Variants in HECTD3 observed in about 807,000 individuals in gnomAD.
HECTD3 encodes the protein HECT domain E3 ubiquitin protein ligase 3.
In HECTD3, 72 loss-of-function variants were observed where a neutral mutation model predicts 109.3. The observed-to-expected ratio is 0.66, with a 90% CI of 0.54 to 0.80. The LOEUF (loss-of-function observed/expected upper bound fraction) is 0.80. Among genes scored for constraint, HECTD3 ranks in the 30% least tolerant of loss-of-function variants. The probability of loss-of-function intolerance (pLI) is 0.00; values close to 1 mark genes in which losing one functional copy is unlikely to be tolerated. For synonymous variants in HECTD3, 481 were observed against 471.8 expected (o/e 1.02, Z -0.25); for missense variants, 1,041 against 1,165.2 (o/e 0.89, Z 1.55).
chr1:45,003,625 A>T lies in HECTD3; in HGVS notation c.2501+44T>A. On this transcript the variant is annotated intron_variant, in intron 20 of 20. Transcript: ENST00000372172. This position sits in a 1 kb window ranked among gnomAD's most constrained non-coding sequence, Gnocchi z 4.7. ...GGTCCCTACATCGCTACCAGGGGTG[A>T]TGGGGTCCCCTGGGCCCCAAATCGA... The T allele has an allele frequency of 6.2e-7, 1 of 1,610,708 alleles. No homozygotes were observed. Among genetic ancestry groups the T allele is most frequent in the African/African-American group, 1.3e-5 (1 of 74,986 alleles).
intron 10 of HECTD3, 55 bp from the exon 11 acceptor site, chr1:45,007,326 C>A: frequency 6.2e-7 from 1 of 1,602,428 alleles, no homozygotes; most frequent in Non-Finnish European, 8.5e-7. Context: ...CCTATACTTG[C>A]CCCAAGAACT....
chr1:45,010,361 G>C, intron 2 of HECTD3, 68 bp from the exon 3 acceptor site: 2 of 1,498,928 alleles, frequency 1.3e-6, no homozygotes, highest in Non-Finnish European at 1.9e-6. Flanking sequence ...CCTCCATGCC[G>C]TGTAGCCTTC....
chr1:45,005,650 TAC>T (rs1644728882), intron 15 of HECTD3, 142 bp downstream of exon 15: 2 of 636,194 alleles, frequency 3.1e-6, no homozygotes, highest in South Asian at 5.0e-5. Context: ...GTCACGAGTC[TAC>T]AGACAGTAGT....
chr1:45,005,915 A>C (rs769888577), intron 14 of HECTD3, 32 bp from the exon 15 acceptor site: 1 of 1,605,004 alleles, frequency 6.2e-7, no homozygotes, highest in South Asian at 1.1e-5. Context: ...CTGTCTTCTC[A>C]CCCTGAGCTG....
chr1:45,005,635 T>G, intron 15 of HECTD3, 159 bp downstream of exon 15: 1 of 566,176 alleles, frequency 1.8e-6, no homozygotes, highest in Non-Finnish European at 3.1e-6. Flanking sequence ...GTCAGGATTT[T>G]AGGGGTCACG....
chr1:45,010,783 G>A, intron 1 of HECTD3, 77 bp from the exon 2 acceptor site: 1 of 1,511,348 alleles, frequency 6.6e-7, no homozygotes, highest in South Asian at 1.3e-5. Flanking sequence ...AGGGCAAAGG[G>A]CGCCGAACGC....
intron 15 of HECTD3, 181 bp downstream of exon 15, chr1:45,005,613 C>T: frequency 2.0e-6 from 1 of 512,270 alleles, no homozygotes; most frequent in South Asian, 3.9e-5. Context: ...TTAGGAGAGG[C>T]TGGGGCTAGA....
In HECTD3 at chr1:45,006,880, C is replaced by T; in HGVS notation, c.1621+71G>A. ...TGAATAGGTCCCCCATCATCATTAGCTGGTGAAAAGCCTCTACCACTTTGA... is the reference window on the plus strand; with the variant it reads ...TGAATAGGTCCCCCATCATCATTAGTTGGTGAAAAGCCTCTACCACTTTGA... On this transcript the variant is annotated intron_variant, in intron 12 of 20. Transcript: ENST00000372172. This position sits in a 1 kb window ranked among gnomAD's most constrained non-coding sequence, Gnocchi z 4.7. 3 of 1,589,288 alleles carry T rather than the reference C, an allele frequency of 1.9e-6. No individual in the cohort carries two copies. The South Asian group carries it at 3.3e-5, about 18-fold the overall frequency.
Position 45,010,109 on chromosome 1 carries a change from C to T in HECTD3, c.636G>A (p.Pro212=), listed in dbSNP as rs200618236. The T allele has an allele frequency of 6.2e-6, 10 of 1,606,854 alleles. No individual in the cohort carries two copies. In the African/African-American group the frequency reaches 6.7e-5, roughly 11 times the overall value. Residue 212 remains proline (P), a synonymous_variant, in exon 4 of 21, where the codon CCG becomes CCA. Coordinates refer to ENST00000372172, the MANE Select transcript of HECTD3 (RefSeq NM_024602.6). ...EAVQRLLYVP[P]TWTYECDEDL... The stretch of plus-strand genomic sequence containing the variant: ...CCTCGTCGCACTCGTAGGTCCATGT[C>T]GGGGGTACATAGCTAAGCAACCCCA...
Position 45,007,577 on chromosome 1 carries a change from G to A in HECTD3, c.1339C>T (p.Leu447=). The change falls in exon 10 of 21, where the codon CTG becomes TTG. Residue 447 remains leucine (L), a synonymous_variant. Transcript: ENST00000372172. ...AGGCCTGGCCGCTGGCGGGACAGCA[G>A]TAGGAACTGCTTCACTTGCTAGTGA... ...SEIKQVKQFL[L]LSRQRPGLVA... 1.9e-6 allele frequency: 3 copies of A among 1,611,254 alleles called. No homozygotes were observed. Among genetic ancestry groups the A allele is most frequent in the Non-Finnish European group, 2.5e-6 (3 of 1,179,974 alleles).
In HECTD3 at chr1:45,011,145, G is replaced by A. The variant is rs1439596258; in HGVS notation, c.113C>T (p.Ala38Val). 5 of 1,506,572 alleles carry A rather than the reference G, an allele frequency of 3.3e-6. No homozygotes were observed. Among genetic ancestry groups the A allele is most frequent in the African/African-American group, 2.9e-5 (2 of 69,072 alleles). The allele number at this position is 1,506,572 out of a possible 1,614,324, so 93.3% of individuals were successfully genotyped here. A position where few individuals can be genotyped will look rare whatever the true frequency, so the allele number is the denominator to read the frequency against. Residue 38 changes from alanine (A) to valine (V), a missense_variant, in exon 1 of 21, where the codon GCA (alanine) becomes GTA (valine). Ala to Val is a moderately conservative substitution (Grantham distance 64). Around this residue, in one of 2 missense-constraint regions of HECTD3, gnomAD observed 472 missense variants for 449.9 expected, o/e 1.05. Coordinates refer to ENST00000372172, the MANE Select transcript of HECTD3 (RefSeq NM_024602.6). Reference sequence around the variant, plus strand: ...CTCTCGCGGCACGAAAGCCAGCGCTGCTGGCAGCGGCCGCCCGGCGCGGAG... The same window carrying A: ...CTCTCGCGGCACGAAAGCCAGCGCTACTGGCAGCGGCCGCCCGGCGCGGAG... ...RSLRAGRPLP[A>V]ALAFVPREVL...
Position 45,006,206 on chromosome 1 carries a change from A to AT in HECTD3, c.1726-91dup. On this transcript the variant is annotated intron_variant, in intron 13 of 20. Coordinates refer to ENST00000372172, the MANE Select transcript of HECTD3 (RefSeq NM_024602.6). This position sits in a 1 kb window ranked among gnomAD's most constrained non-coding sequence, Gnocchi z 4.7. ...TCCCTGAACATTTTCCACTGGGAAC[A>AT]TTTTCCACTAAATGATCCCTTCAAA... is the stretch of plus-strand genomic sequence containing the variant. The AT allele has an allele frequency of 6.6e-7, 1 of 1,512,766 alleles. No individual in the cohort carries two copies. The highest frequency in any genetic ancestry group is 1.8e-5 in the Admixed American group (1 of 56,234). The allele number at this position is 1,512,766 out of a possible 1,614,324, so 93.7% of individuals were successfully genotyped here.
Position 45,004,299 on chromosome 1 carries a change from T to C in HECTD3, c.2221A>G (p.Lys741Glu). 2 of 1,613,938 alleles carry C rather than the reference T, an allele frequency of 1.2e-6. No individual in the cohort carries two copies. The highest frequency in any genetic ancestry group is 1.7e-6 in the Non-Finnish European group (2 of 1,179,872). ...ACCTCTGGATCCCCACACACTTTCT[T>C]CTCCAACTCTTGCCAGGTCAGCAAG... ...LDLLTWQELE[K>E]KVCGDPEVTV... The change falls in exon 17 of 21, where the codon AAG (lysine) becomes GAG (glutamate). Residue 741 changes from lysine to glutamate, a missense_variant. Physicochemically the swap from Lys to Glu is moderately conservative, Grantham distance 56. Around this residue, in one of 2 missense-constraint regions of HECTD3, gnomAD observed 569 missense variants for 715.3 expected, o/e 0.80. Coordinates refer to ENST00000372172, the MANE Select transcript of HECTD3 (RefSeq NM_024602.6).
rs1192001748 is a variant in HECTD3, at chr1:45,007,410, G to C, written c.1503+3C>G. 2.5e-6 allele frequency: 4 copies of C among 1,614,096 alleles called. No individual in the cohort carries two copies. Among genetic ancestry groups the C allele is most frequent in the Admixed American group, 1.7e-5 (1 of 60,024 alleles). ...TCTCAGTCGGACCCTAGGTGGTGCAGACCTGGGTGAAGACTGCATTCTTGC... is the reference window on the plus strand; with the variant it reads ...TCTCAGTCGGACCCTAGGTGGTGCACACCTGGGTGAAGACTGCATTCTTGC... On this transcript the variant is annotated splice_donor_region_variant and intron_variant, in intron 10 of 20. Coordinates refer to ENST00000372172, the MANE Select transcript of HECTD3 (RefSeq NM_024602.6).
At chr1:45,009,877 T>C in intron 4 of HECTD3, 109 bp downstream of exon 4, 1 of 1,361,514 alleles carries the variant, frequency 7.3e-7, no homozygotes, top group Non-Finnish European at 1.0e-6. Context: ...GAGTGTGGCC[T>C]GTGGGGACCC....
chr1:45,005,517 C>G (rs1644727768), intron 15 of HECTD3: 1 of 341,146 alleles, frequency 2.9e-6, no homozygotes, highest in Non-Finnish European at 5.3e-6. Context: ...GGGGAGTAGT[C>G]TTCGGAGAAG....
chr1:45,006,374 C>T lies in HECTD3; in HGVS notation c.1726-258G>A, dbSNP rs1557728011. On this transcript the variant is annotated intron_variant, in intron 13 of 20. Transcript: ENST00000372172. This position sits in a 1 kb window ranked among gnomAD's most constrained non-coding sequence, Gnocchi z 4.7. ...AGGCTGGAGTGCAGTGGCGTGATCT[C>T]GGCTCACTGCAACCTCCGTCTCCTG... is the stretch of plus-strand genomic sequence containing the variant. 5.1e-5 allele frequency: 25 copies of T among 493,600 alleles called. 1 individual carries two copies. The South Asian group carries it at 5.5e-4, about 11-fold the overall frequency. The allele number at this position is 493,600 out of a possible 1,614,324, so 30.6% of individuals were successfully genotyped here.
In HECTD3 at chr1:45,006,622, C is replaced by T; in HGVS notation, c.1725+70G>A. The T allele has an allele frequency of 7.5e-7, 1 of 1,336,250 alleles. No homozygotes were observed. Among genetic ancestry groups the T allele is most frequent in the East Asian group, 2.3e-5 (1 of 43,036 alleles). The allele number at this position is 1,336,250 out of a possible 1,614,324, so 82.8% of individuals were successfully genotyped here. A position where few individuals can be genotyped will look rare whatever the true frequency, so the allele number is the denominator to read the frequency against. ...TGCCCCCTTTCTAGCTCAATCTGGC[C>T]CCCTCCTCTGCCCCCTTTCTAGCTC... is the stretch of plus-strand genomic sequence containing the variant. On this transcript the variant is annotated intron_variant, in intron 13 of 20. Transcript: ENST00000372172. The surrounding 1 kb of genome is among the most constrained non-coding windows in gnomAD (Gnocchi z 4.7).
In HECTD3 at chr1:45,006,749, G is replaced by A. The variant is rs1644739564; in HGVS notation, c.1668C>T (p.Cys556=). ...DSLADMSEEL[C]PSSADTPVPL... ...GCACGGGGGTATCCGCTGAGCTAGG[G>A]CACAGCTCTTCTGACATATCTGCCA... The change falls in exon 13 of 21, where the codon TGC becomes TGT. Residue 556 remains cysteine (C), a synonymous_variant. Transcript: ENST00000372172. This position sits in a 1 kb window ranked among gnomAD's most constrained non-coding sequence, Gnocchi z 4.7. The A allele has an allele frequency of 6.2e-7, 1 of 1,613,816 alleles. No homozygotes were observed. The highest frequency in any genetic ancestry group is 1.3e-5 in the African/African-American group (1 of 75,020).
Sources: allele counts gnomAD v4.1 joint callset, GRCh38; gene constraint gnomAD v4.1.1; regional missense constraint gnomAD v4.1.1; non-coding constraint Gnocchi (gnomAD v3.1); transcripts MANE v1.5; gene names NCBI Gene and HGNC (gene_info 2026-07-23, HGNC 2026-07-21).